Variants in DNMT3A observed in about 807,000 individuals in gnomAD.
DNMT3A encodes the protein DNA methyltransferase 3 alpha, also known as DNA (cytosine-5)-methyltransferase 3A.
DNMT3A carries 267 observed loss-of-function variants against 117.6 expected under a neutral mutation model. The observed-to-expected ratio is 2.27, with a 90% CI of 2.05 to 2.51. The LOEUF (loss-of-function observed/expected upper bound fraction) is 2.51, where lower values mean the gene tolerates loss of function less well. Among genes scored for constraint, DNMT3A ranks in the 30% most tolerant of loss-of-function variants. The probability of loss-of-function intolerance (pLI) is 0.00; values close to 1 mark genes in which losing one functional copy is unlikely to be tolerated. For missense variants in DNMT3A, 1,029 were observed against 1,260.2 expected, an observed-to-expected ratio of 0.82 and a Z score of 2.78; for synonymous variants, 432 against 474.8, an observed-to-expected ratio of 0.91 and a Z score of 1.17.
In DNMT3A at chr2:25,237,858, C is replaced by T. The variant is rs149696531; in HGVS notation, c.2409-853G>A. ...ATGTCACTTCTCAGGGTGCAGGCCA[C>T]ATAACTGACTGGCTGTCCCCTTCAA... On this transcript the variant is annotated intron_variant, in intron 20 of 22. Transcript: ENST00000321117. The surrounding 1 kb of genome is among the most constrained non-coding windows in gnomAD (Gnocchi z 5.4). Among the ~76,000 whole-genome samples, 419 of 152,294 alleles carry T rather than the reference C, an allele frequency of 2.8e-3. 3 individuals carry two copies. The highest frequency in any genetic ancestry group is 7.4e-4 in the Non-Finnish European group (50 of 68,022).
At chr2:25,335,805 G>A (rs1375557501) in intron 1 of DNMT3A, among the ~76,000 whole-genome samples, 1 of 152,190 alleles carries the variant, frequency 6.6e-6, no homozygotes, top group African/African-American at 2.4e-5. Flanking sequence ...GAAGCAGAGA[G>A]GAAAGATCAA....
At position 25,313,990 on chromosome 2, in the gene DNMT3A, C is replaced by T. The variant is rs148146288; in HGVS notation, c.-6G>A. The T allele has an allele frequency of 5.5e-4, 850 of 1,539,882 alleles. 4 individuals carry two copies. The highest frequency in any genetic ancestry group is 1.5e-3 in the South Asian group (120 of 82,508). On this transcript the variant is annotated 5_prime_UTR_variant, in exon 2 of 23. Transcript: ENST00000321117. ...CTGGAGGGCATGGCGGGCATCTGGG[C>T]GCCGGGAGGCAGGCTGGGGCTGCGC...
chr2:25,310,217 G>A (rs893565085), intron 2 of DNMT3A, among the ~76,000 whole-genome samples: 9 of 151,990 alleles, frequency 5.9e-5, no homozygotes, highest in Admixed American at 5.9e-4. Flanking sequence ...TTCATATTTG[G>A]GGATCTGAGG....
intron 3 of DNMT3A, among the ~76,000 whole-genome samples, chr2:25,292,052 C>A (rs1281548540): frequency 6.6e-6 from 1 of 151,950 alleles, no homozygotes; most frequent in Non-Finnish European, 1.5e-5. Flanking sequence ...GTTGGGAGTT[C>A]GAGACCAGCC....
At chr2:25,246,475 A>G in intron 10 of DNMT3A, 145 bp downstream of exon 10, 1 of 1,431,108 alleles carries the variant, frequency 7.0e-7, no homozygotes, top group Non-Finnish European at 9.4e-7. Context: ...TCAAGTCCTG[A>G]CCCCAGGGCA....
At chr2:25,321,696 G>A (rs1385852338) in intron 1 of DNMT3A, among the ~76,000 whole-genome samples, 1 of 152,206 alleles carries the variant, frequency 6.6e-6, no homozygotes, top group Non-Finnish European at 1.5e-5. Context: ...GGACCAGTCT[G>A]ATGACACAGG....
intron 1 of DNMT3A, among the ~76,000 whole-genome samples, chr2:25,338,539 G>A (rs1253118289): frequency 6.6e-6 from 1 of 152,182 alleles, no homozygotes; most frequent in Non-Finnish European, 1.5e-5. Context: ...AGGGAGCCCA[G>A]CACTAACCTG....
At chr2:25,341,431 G>T (rs1489727217) in intron 1 of DNMT3A, among the ~76,000 whole-genome samples, 1 of 145,702 alleles carries the variant, frequency 6.9e-6, no homozygotes, top group Non-Finnish European at 1.5e-5. Context: ...GGGGCGGCCC[G>T]GCCGGGGCCC....
Position 25,233,778 on chromosome 2 carries a change from CAAA to C in DNMT3A, c.*498_*500del, listed in dbSNP as rs11331019. On this transcript the variant is annotated 3_prime_UTR_variant, in exon 23 of 23. Transcript: ENST00000321117. The stretch of plus-strand genomic sequence containing the variant: ...AAGATATATAGTAAAAAAAAAAACC[CAAA>C]AAAAAAAAACAAAAAACAAAAAAAA... 1.3e-5 allele frequency: 2 copies of C among 150,884 alleles called. No homozygotes were observed. Among genetic ancestry groups the C allele is most frequent in the Admixed American group, 9.0e-5 (1 of 11,134 alleles). The allele number at this position is 150,884 out of a possible 1,614,324, so 9.3% of individuals were successfully genotyped here. A position where few individuals can be genotyped will look rare whatever the true frequency, so the allele number is the denominator to read the frequency against.
chr2:25,235,716 T>A lies in DNMT3A; in HGVS notation c.2588A>T (p.Glu863Val), dbSNP rs1673278763. The A allele has an allele frequency of 1.2e-6, 2 of 1,613,648 alleles. No homozygotes were observed. The highest frequency in any genetic ancestry group is 8.5e-7 in the Non-Finnish European group (1 of 1,179,720). The change falls in exon 22 of 23, where the codon GAA becomes GTA. Residue 863 changes from glutamate (E) to valine (V), a missense_variant. By Grantham distance (121) the Glu-to-Val change is moderately radical. Transcript: ENST00000321117. ...AGCACAACCCGGGTACCTTTCCATT[T>A]CAGTGCACCATAAGATGTCCTCTTT... The part of the protein sequence containing the change: ...NEKEDILWCT[E>V]MERVFGFPVH...
chr2:25,301,693 G>T (rs1020326266), intron 2 of DNMT3A, among the ~76,000 whole-genome samples: 4 of 152,166 alleles, frequency 2.6e-5, no homozygotes, highest in Non-Finnish European at 4.4e-5. Flanking sequence ...TGATGCTGGG[G>T]AAGTGGGGAG....
chr2:25,304,215 C>T lies in DNMT3A; in HGVS notation c.73-3972G>A, dbSNP rs1185734892. Among the ~76,000 whole-genome samples the T allele has an allele frequency of 6.6e-6, 1 of 152,174 alleles. No homozygotes were observed. Among genetic ancestry groups the T allele is most frequent in the Non-Finnish European group, 1.5e-5 (1 of 68,026 alleles). Reference sequence around the variant, plus strand: ...AGGCTTTGGAGAGGGCAGAGCCGGGCTGGGAGTTTCGCTCTGCTCTTTGCT... The same window carrying T: ...AGGCTTTGGAGAGGGCAGAGCCGGGTTGGGAGTTTCGCTCTGCTCTTTGCT... On this transcript the variant is annotated intron_variant, in intron 2 of 22. Transcript: ENST00000321117. This position sits in a 1 kb window ranked among gnomAD's most constrained non-coding sequence, Gnocchi z 4.3.
intron 3 of DNMT3A, among the ~76,000 whole-genome samples, chr2:25,295,233 C>T (rs901370658): frequency 5.3e-5 from 8 of 152,170 alleles, no homozygotes; most frequent in Non-Finnish European, 1.2e-4. Context: ...CTCACACCCA[C>T]ACACGGGCTC....
At chr2:25,283,231 G>A (rs1456277622) in intron 3 of DNMT3A, among the ~76,000 whole-genome samples, 3 of 152,036 alleles carry the variant, frequency 2.0e-5, no homozygotes, top group Admixed American at 6.6e-5. Flanking sequence ...GGATGGTGGT[G>A]CATGCCCGTA....
Position 25,327,802 on chromosome 2 carries a change from T to C in DNMT3A, c.-177-13641A>G, listed in dbSNP as rs368972053. Among the ~76,000 whole-genome samples, 8 of 152,166 alleles carry C rather than the reference T, an allele frequency of 5.3e-5. No homozygotes were observed. The South Asian group carries it at 1.2e-3, about 24-fold the overall frequency. On this transcript the variant is annotated intron_variant, in intron 1 of 22. Coordinates refer to ENST00000321117, the MANE Select transcript of DNMT3A (RefSeq NM_022552.5). The surrounding 1 kb of genome is among the most constrained non-coding windows in gnomAD (Gnocchi z 4.1). ...CATGCTTCTTTCAGAGCCGGCTCTA[T>C]TTTCTGGTTTTTCCCTCTATGTGGA...
At chr2:25,249,642 C>A (rs1244268719) in intron 6 of DNMT3A, 1 of 1,614,188 alleles carries the variant, frequency 6.2e-7, no homozygotes, top group South Asian at 1.1e-5. Flanking sequence ...CATTGCACAG[C>A]CTCCATCCTT....
Position 25,311,145 on chromosome 2 carries a change from G to C in DNMT3A, c.72+2768C>G, listed in dbSNP as rs1444635519. On this transcript the variant is annotated intron_variant, in intron 2 of 22. Transcript: ENST00000321117. This position sits in a 1 kb window ranked among gnomAD's most constrained non-coding sequence, Gnocchi z 5.2. ...GCTGGGGGCGGGGGCGGGGAGGGGGGGCGGCGGTGGGCAGAGGCTAGAGGG... is the reference window on the plus strand; with the variant it reads ...GCTGGGGGCGGGGGCGGGGAGGGGGCGCGGCGGTGGGCAGAGGCTAGAGGG... Among the ~76,000 whole-genome samples, 2 of 150,044 alleles carry C rather than the reference G, an allele frequency of 1.3e-5. No individual in the cohort carries two copies. Among genetic ancestry groups the C allele is most frequent in the African/African-American group, 2.4e-5 (1 of 40,968 alleles).
rs561910618 is a variant in DNMT3A at position 25,242,129 on chromosome 2, A to G, written c.1937-422T>C. The G allele has an allele frequency of 1.4e-3, 264 of 194,078 alleles. 3 individuals are homozygous for G. Among genetic ancestry groups the G allele is most frequent in the Non-Finnish European group, 6.0e-4 (58 of 96,086 alleles). 12.0% of individuals were successfully genotyped at this position (194,078 alleles called of 1,614,324 possible). A position where few individuals can be genotyped will look rare whatever the true frequency, so the allele number is the denominator to read the frequency against. The stretch of plus-strand genomic sequence containing the variant: ...GTTCCCTGCTCCACAAAGGTTTCAT[A>G]AATGCCCTGCCCCACCCAGTAGCCC... On this transcript the variant is annotated intron_variant, in intron 16 of 22. Transcript: ENST00000321117.
intron 6 of DNMT3A, among the ~76,000 whole-genome samples, chr2:25,262,042 T>C (rs1676660894): frequency 1.3e-5 from 2 of 151,734 alleles, no homozygotes; most frequent in East Asian, 3.9e-4. Context: ...ATACAAAAAT[T>C]AGCTGGGCAT....
Sources: gnomAD v4.1 joint callset for allele counts (sites outside exome capture counted in the v4.1 genomes callset) on GRCh38, gnomAD v4.1.1 for gene constraint, Gnocchi (gnomAD v3.1) non-coding constraint, MANE v1.5 for transcripts, NCBI Gene and HGNC (gene_info 2026-07-23, HGNC 2026-07-21) for gene names.